The following RIPOR2 variants were observed in gnomAD, a reference collection of about 807,000 sequenced individuals.
The protein encoded by RIPOR2 is RHO family interacting cell polarization regulator 2, also known as rho family-interacting cell polarization regulator 2.
In RIPOR2, 39 loss-of-function variants were observed where a neutral mutation model predicts 114.5. The observed-to-expected ratio is 0.34, with a 90% CI of 0.26 to 0.44. The LOEUF is 0.44. Ranked by LOEUF, RIPOR2 falls within the 20% of genes least tolerant of loss-of-function variation. RIPOR2 has a pLI of 1.00. For missense variants in RIPOR2, 1,007 were observed against 1,255.1 expected, an observed-to-expected ratio of 0.80 and a Z score of 2.99; for synonymous variants, 445 against 484.4, an observed-to-expected ratio of 0.92 and a Z score of 1.07.
chr6:24,963,204 T>A lies in RIPOR2; in HGVS notation c.76+78647A>T, dbSNP rs1027810327. Among the ~76,000 whole-genome samples the A allele has an allele frequency of 5.9e-5, 9 of 152,242 alleles. No individual in the cohort carries two copies. The East Asian group carries it at 1.7e-3, about 29-fold the overall frequency. ...CCACCACCACACCCAGCTAATTTTTTGTAATTTTAGCAGAGACGGGGTTTC... is the reference window on the plus strand; with the variant it reads ...CCACCACCACACCCAGCTAATTTTTAGTAATTTTAGCAGAGACGGGGTTTC... On this transcript the variant is annotated intron_variant, in intron 1 of 13. Transcript: ENST00000510784.
At chr6:24,837,253 A>G (rs141811399) in intron 14 of RIPOR2, among the ~76,000 whole-genome samples, 3,867 of 151,844 alleles carry the variant, frequency 0.025, 162 homozygotes, top group African/African-American at 0.085. Flanking sequence ...CTCCTGAGTA[A>G]CTAGGACTAC....
At chr6:24,876,650 C>T (rs1270279513) in intron 1 of RIPOR2, among the ~76,000 whole-genome samples, 2 of 152,184 alleles carry the variant, frequency 1.3e-5, no homozygotes, top group Non-Finnish European at 2.9e-5. Context: ...TGTGCCACTA[C>T]TGTGACAGTG....
intron 1 of RIPOR2, among the ~76,000 whole-genome samples, chr6:24,962,344 G>A (rs1391103040): frequency 6.6e-6 from 1 of 152,222 alleles, no homozygotes; most frequent in African/African-American, 2.4e-5. Context: ...GCTATTTTAG[G>A]AAGATTATTC....
At chr6:25,029,856 A>G (rs1776836280) in intron 1 of RIPOR2, among the ~76,000 whole-genome samples, 1 of 151,972 alleles carries the variant, frequency 6.6e-6, no homozygotes, top group Non-Finnish European at 1.5e-5. Context: ...GTTAAACTAT[A>G]TGCTTTTCTT....
intron 1 of RIPOR2, among the ~76,000 whole-genome samples, chr6:24,967,174 T>G (rs1276165574): frequency 1.3e-5 from 2 of 152,240 alleles, no homozygotes; most frequent in Non-Finnish European, 2.9e-5. Context: ...TAAACCATTC[T>G]TATCATTATG....
At chr6:24,834,959 G>A (rs905121123) in intron 15 of RIPOR2, among the ~76,000 whole-genome samples, 2 of 152,144 alleles carry the variant, frequency 1.3e-5, no homozygotes, top group South Asian at 2.1e-4. Flanking sequence ...TTCTCTTCCT[G>A]TTCCACATAC....
In RIPOR2 at chr6:24,865,489, G is replaced by T. The variant is rs1008130688; in HGVS notation, c.502-39C>A. 4 of 1,548,050 alleles carry T rather than the reference G, an allele frequency of 2.6e-6. No homozygotes were observed. In the Admixed American group the frequency reaches 7.5e-5, roughly 29 times the overall value. ...AACAGGAAACAGAAATAAATGTCAG[G>T]CTTGAAAGAAAATACATAGATCATT... On this transcript the variant is annotated intron_variant, in intron 6 of 21. Coordinates refer to ENST00000643898, the MANE Select transcript of RIPOR2 (RefSeq NM_001286445.3).
At chr6:24,954,217 T>C (rs1188112966) in intron 1 of RIPOR2, among the ~76,000 whole-genome samples, 1 of 152,126 alleles carries the variant, frequency 6.6e-6, no homozygotes, top group East Asian at 1.9e-4. Flanking sequence ...TGGTTTGCAT[T>C]TAGCAAGTGG....
At chr6:24,821,163 G>A (rs1477314837) in intron 19 of RIPOR2, among the ~76,000 whole-genome samples, 10 of 148,924 alleles carry the variant, frequency 6.7e-5, no homozygotes, top group Admixed American at 2.7e-4. Flanking sequence ...GTGAGCCACC[G>A]CGCCCAGCCA....
chr6:24,930,006 T>C (rs79308066), intron 1 of RIPOR2, among the ~76,000 whole-genome samples: 23,600 of 152,152 alleles, frequency 0.16, 1,969 homozygotes, highest in Middle Eastern at 0.19. Flanking sequence ...GCCCAGGAAG[T>C]TGAGGCTGCA....
At chr6:24,987,859 C>T (rs888872085) in intron 1 of RIPOR2, among the ~76,000 whole-genome samples, 4 of 152,052 alleles carry the variant, frequency 2.6e-5, no homozygotes, top group African/African-American at 9.7e-5. Context: ...CTGATAATGC[C>T]GATAATAAAA....
At chr6:25,023,420 AC>A in intron 1 of RIPOR2, 2 of 768,270 alleles carry the variant, frequency 2.6e-6, no homozygotes, top group Non-Finnish European at 4.8e-6. Context: ...AAGGATGTAC[AC>A]CCGGCCCTTG....
At chr6:24,828,789 G>A (rs1478077361) in intron 17 of RIPOR2, among the ~76,000 whole-genome samples, 1 of 151,900 alleles carries the variant, frequency 6.6e-6, no homozygotes, top group Non-Finnish European at 1.5e-5. Context: ...GAGAAGGAAG[G>A]AAGGAAAGAA....
Position 24,842,941 on chromosome 6 carries a change from G to C in RIPOR2, c.1778C>G (p.Ala593Gly). The C allele has an allele frequency of 6.6e-7, 1 of 1,521,414 alleles. No homozygotes were observed. The highest frequency in any genetic ancestry group is 8.8e-7 in the Non-Finnish European group (1 of 1,136,164). The allele number at this position is 1,521,414 out of a possible 1,614,324, so 94.2% of individuals were successfully genotyped here. Reference protein sequence around the residue: ...LEDAFNGLLLALEPHKEQYKE... With the variant: ...LEDAFNGLLLGLEPHKEQYKE... ...ATACTGCTCTTTATGTGGTTCTAAT[G>C]CAAGTAAAAGCCCATTAAAAGCATC... The change falls in exon 13 of 22, where the codon GCA (alanine) becomes GGA (glycine). Residue 593 changes from alanine (A) to glycine (G), a missense_variant. Transcript: ENST00000643898.
At chr6:24,908,968 C>T (rs186158144) in intron 1 of RIPOR2, among the ~76,000 whole-genome samples, 1 of 152,322 alleles carries the variant, frequency 6.6e-6, no homozygotes, top group East Asian at 1.9e-4. Flanking sequence ...AAAGCGAAAT[C>T]TCACATTAGA....
At chr6:24,865,598 C>T (rs571200662) in intron 6 of RIPOR2, 148 bp from the exon 7 acceptor site, 3 of 642,012 alleles carry the variant, frequency 4.7e-6, no homozygotes, top group East Asian at 6.5e-5. Flanking sequence ...AGGGACCAAT[C>T]GTTTTTATTG....
chr6:24,953,352 G>C (rs1259122934), intron 1 of RIPOR2, among the ~76,000 whole-genome samples: 2 of 151,960 alleles, frequency 1.3e-5, no homozygotes, highest in African/African-American at 4.8e-5. Flanking sequence ...AAAAATTAAG[G>C]TTAAATGAAA....
chr6:24,847,198 C>T (rs147889587), intron 12 of RIPOR2, among the ~76,000 whole-genome samples: 2 of 152,302 alleles, frequency 1.3e-5, no homozygotes, highest in East Asian at 3.9e-4. Context: ...AGCGATCCAC[C>T]CACCTCAGCC....
At position 24,883,004 on chromosome 6, in the gene RIPOR2, CAAG is replaced by C. The variant is rs1271682846; in HGVS notation, c.62-7190_62-7188del. 6.6e-6 allele frequency among the ~76,000 whole-genome samples: 1 copy of C among 152,190 alleles called. No individual in the cohort carries two copies. The highest frequency in any genetic ancestry group is 2.4e-5 in the African/African-American group (1 of 41,446). ...GAGACCAGGGCTTTTCTATGGGAAA[CAAG>C]AGACCACGTGATCATTTGTGCATGC... On this transcript the variant is annotated intron_variant, in intron 1 of 21. Transcript: ENST00000643898. The surrounding 1 kb of genome is among the most constrained non-coding windows in gnomAD (Gnocchi z 4.1).
Sources: gnomAD v4.1 joint callset for allele counts (sites outside exome capture counted in the v4.1 genomes callset) on GRCh38, gnomAD v4.1.1 for gene constraint, Gnocchi (gnomAD v3.1) non-coding constraint, MANE v1.5 for transcripts, NCBI Gene and HGNC (gene_info 2026-07-23, HGNC 2026-07-21) for gene names.